Variants in RBPJ observed in about 807,000 individuals in gnomAD.
The protein encoded by RBPJ is recombining binding protein suppressor of hairless.
In RBPJ, 9 loss-of-function variants were observed where a neutral mutation model predicts 67.8. The observed-to-expected ratio is 0.13, with a 90% CI of 0.08 to 0.23. The LOEUF (loss-of-function observed/expected upper bound fraction) is 0.23, where lower values mean the gene tolerates loss of function less well. Ranked by LOEUF, RBPJ falls within the 10% of genes least tolerant of loss-of-function variation. RBPJ has a pLI of 1.00. For synonymous variants in RBPJ, 198 were observed against 203.3 expected, an observed-to-expected ratio of 0.97 and a Z score of 0.22; for missense variants, 305 against 595.6, an observed-to-expected ratio of 0.51 and a Z score of 5.08.
At chr4:26,123,743 C>T in the RBPJ span, among the ~76,000 whole-genome samples, 7 of 152,060 alleles carry the variant, frequency 4.6e-5, no homozygotes, top group Admixed American at 6.5e-5. Flanking sequence ...TTGTTAAAAA[C>T]GAAGACACAA....
chr4:26,255,573 C>A (rs539691496), intron 1 of RBPJ, among the ~76,000 whole-genome samples: 1 of 150,666 alleles, frequency 6.6e-6, no homozygotes, highest in African/African-American at 2.4e-5. Context: ...GAGGCCAAGG[C>A]GGGCGGATCA....
intron 1 of RBPJ, among the ~76,000 whole-genome samples, chr4:26,227,750 G>C (rs1719127093): frequency 6.6e-6 from 1 of 152,228 alleles, no homozygotes; most frequent in Admixed American, 6.5e-5. Context: ...CCAGTGAAGA[G>C]CAGACTTTGC....
chr4:26,297,624 C>T (rs955001171), intron 1 of RBPJ, among the ~76,000 whole-genome samples: 1 of 151,536 alleles, frequency 6.6e-6, no homozygotes, highest in African/African-American at 2.4e-5. Flanking sequence ...GGTCAGACAC[C>T]CTGGTTTAGT....
chr4:26,338,474 C>A (rs899905352), intron 1 of RBPJ, among the ~76,000 whole-genome samples: 7 of 151,078 alleles, frequency 4.6e-5, no homozygotes, highest in Non-Finnish European at 1.0e-4. Context: ...ATTTTTCTTC[C>A]ATGTGCTCTT....
chr4:26,312,890 A>G (rs905064831), intron 1 of RBPJ, among the ~76,000 whole-genome samples: 1 of 152,194 alleles, frequency 6.6e-6, no homozygotes, highest in Non-Finnish European at 1.5e-5. Flanking sequence ...TTTTAATTCT[A>G]CTAAGATGAT....
At chr4:26,169,046 C>T (rs1361448939) in intron 1 of RBPJ, among the ~76,000 whole-genome samples, 3 of 152,202 alleles carry the variant, frequency 2.0e-5, no homozygotes, top group Admixed American at 6.5e-5. Context: ...GTAGTTTGAT[C>T]GTCTGAAGCT....
the RBPJ span, among the ~76,000 whole-genome samples, chr4:26,106,205 G>A: frequency 3.3e-5 from 5 of 152,190 alleles, no homozygotes; most frequent in Non-Finnish European, 5.9e-5. Flanking sequence ...TTGTGTGTCT[G>A]CCTGTACAGC....
At chr4:26,320,854 T>C (rs906160519), upstream of RBPJ, 3 of 1,569,818 alleles carry the variant, frequency 1.9e-6, no homozygotes, top group African/African-American at 2.7e-5. Flanking sequence ...GATCCCCTAC[T>C]CTGCGGGCGG....
intron 1 of RBPJ, among the ~76,000 whole-genome samples, chr4:26,349,093 C>T (rs75214563): frequency 1.3e-5 from 2 of 150,856 alleles, no homozygotes; most frequent in South Asian, 2.1e-4. Context: ...TGTGTGCGCG[C>T]GCGCACGCAC....
chr4:26,205,450 C>T lies in RBPJ; in HGVS notation c.-167+41836C>T, dbSNP rs73112587. Among the ~76,000 whole-genome samples, 608 of 152,256 alleles carry T rather than the reference C, an allele frequency of 4.0e-3. 5 individuals are homozygous for T. The highest frequency in any genetic ancestry group is 0.014 in the African/African-American group (566 of 41,538). On this transcript the variant is annotated intron_variant, in intron 1 of 4. Coordinates refer to the RBPJ transcript ENST00000512351. ...TCTTATTGCCCTCTCCTTGCCCCAC[C>T]GCACAGTCCTACATTGCTGCAGTTG...
chr4:26,375,174 C>T (rs902468277), intron 1 of RBPJ, among the ~76,000 whole-genome samples: 16 of 151,462 alleles, frequency 1.1e-4, no homozygotes, highest in African/African-American at 3.6e-4. Context: ...CATGGTGGCT[C>T]GCACCTGTGG....
At chr4:26,146,291 G>C in the RBPJ span, among the ~76,000 whole-genome samples, 12 of 152,076 alleles carry the variant, frequency 7.9e-5, no homozygotes, top group African/African-American at 2.4e-4. Context: ...AATTTACTGG[G>C]GAAAAGAGAG....
intron 3 of RBPJ, chr4:26,409,900 G>A (rs933883035): frequency 9.1e-6 from 3 of 330,868 alleles, no homozygotes; most frequent in African/African-American, 6.7e-5. Flanking sequence ...TCTAAAAAAT[G>A]AACAAAAATG....
At chr4:26,110,324 AG>A in the RBPJ span, among the ~76,000 whole-genome samples, 1 of 152,228 alleles carries the variant, frequency 6.6e-6, no homozygotes, top group Non-Finnish European at 1.5e-5. The surrounding 1 kb of genome is among the most constrained non-coding windows in gnomAD (Gnocchi z 4.5). Context: ...GAAGCTACTC[AG>A]GGCATTGGTG....
At chr4:26,297,910 AT>A (rs1271269421) in intron 1 of RBPJ, among the ~76,000 whole-genome samples, 2 of 151,222 alleles carry the variant, frequency 1.3e-5, no homozygotes, top group Non-Finnish European at 3.0e-5. Flanking sequence ...TGTTGCCTTA[AT>A]TTTTTTTTAA....
At chr4:26,185,169 T>C (rs891577420) in intron 1 of RBPJ, among the ~76,000 whole-genome samples, 3 of 146,400 alleles carry the variant, frequency 2.0e-5, no homozygotes, top group African/African-American at 7.7e-5. Context: ...AAGATAGTTA[T>C]GTTGTTTTGC....
intron 1 of RBPJ, among the ~76,000 whole-genome samples, chr4:26,357,782 T>C (rs193109716): frequency 6.6e-6 from 1 of 152,292 alleles, no homozygotes; most frequent in East Asian, 1.9e-4. Context: ...CTCTATGAAT[T>C]TGACTACTCT....
upstream of RBPJ, among the ~76,000 whole-genome samples, chr4:26,160,589 A>G (rs912966591): frequency 2.6e-5 from 4 of 152,358 alleles, no homozygotes; most frequent in Middle Eastern, 6.8e-3. Flanking sequence ...ACATAAGTTT[A>G]GTTCTTGTAC....
chr4:26,374,622 C>T (rs369697475), intron 1 of RBPJ, among the ~76,000 whole-genome samples: 3 of 151,906 alleles, frequency 2.0e-5, no homozygotes, highest in Non-Finnish European at 4.4e-5. Flanking sequence ...ACTACAGGTG[C>T]GCACCACCAT....
Sources: gnomAD v4.1 joint callset for allele counts (sites outside exome capture counted in the v4.1 genomes callset) on GRCh38, gnomAD v4.1.1 for gene constraint, Gnocchi (gnomAD v3.1) non-coding constraint, MANE v1.5 for transcripts, NCBI Gene and HGNC (gene_info 2026-07-23, HGNC 2026-07-21) for gene names.